FBLN1: variants seen among roughly 807,000 people sequenced by gnomAD.
The protein encoded by FBLN1 is fibulin 1.
FBLN1 carries 34 observed loss-of-function variants against 89.7 expected under a neutral mutation model. The ratio of observed to expected loss-of-function variants is 0.38; its 90% CI spans 0.29 to 0.50. The LOEUF (loss-of-function observed/expected upper bound fraction) is 0.50, where lower values mean the gene tolerates loss of function less well. Ranked by LOEUF, FBLN1 falls within the 20% of genes least tolerant of loss-of-function variation. The pLI, the probability that FBLN1 is intolerant of heterozygous loss-of-function variation, is 0.92. For missense variants in FBLN1, 777 were observed against 988.1 expected (o/e 0.79, Z 2.86); for synonymous variants, 393 against 391.3 (o/e 1.00, Z -0.05).
chr22:45,542,322 C>A, intron 10 of FBLN1, 39 bp downstream of exon 10: 11 of 1,612,484 alleles, frequency 6.8e-6, no homozygotes, highest in Non-Finnish European at 9.3e-6. Context: ...GGAACCCAGC[C>A]ACGTGGCACC....
intron 14 of FBLN1, among the ~76,000 whole-genome samples, chr22:45,560,973 G>A (rs1047774538): frequency 6.6e-6 from 1 of 152,200 alleles, no homozygotes; most frequent in African/African-American, 2.4e-5. Context: ...AAGGCTGATG[G>A]GTCGGGGCGG....
chr22:45,572,629 A>AT lies in FBLN1; in HGVS notation c.1698-1881dup, dbSNP rs1488393415. The stretch of plus-strand genomic sequence containing the variant: ...GGAAGTGAAGTGGTAGAACCAGACT[A>AT]TCGGCATTTTGCAATCCTTGATGAA... On this transcript the variant is annotated intron_variant, in intron 14 of 16. Transcript: ENST00000327858. The surrounding 1 kb of genome is among the most constrained non-coding windows in gnomAD (Gnocchi z 5.8). Among the ~76,000 whole-genome samples the AT allele has an allele frequency of 3.3e-5, 5 of 152,268 alleles. No homozygotes were observed. Among genetic ancestry groups the AT allele is most frequent in the Non-Finnish European group, 7.3e-5 (5 of 68,046 alleles).
Position 45,600,197 on chromosome 22 carries a change from G to A in FBLN1, c.1973-110G>A, listed in dbSNP as rs1001719698. 3.8e-6 allele frequency: 5 copies of A among 1,323,756 alleles called. No individual in the cohort carries two copies. In the African/African-American group the frequency reaches 7.2e-5, roughly 19 times the overall value. 82.0% of individuals were successfully genotyped at this position (1,323,756 alleles called of 1,614,324 possible). ...TCTGGCGTAGGATGGGACTCCATGA[G>A]GTCTATGCCTCCTTCTAGCTCTGAA... On this transcript the variant is annotated intron_variant, in intron 16 of 16. Coordinates refer to ENST00000327858, the MANE Select transcript of FBLN1 (RefSeq NM_006486.3).
At chr22:45,548,807 G>C in intron 13 of FBLN1, 63 bp downstream of exon 13, 1 of 1,601,786 alleles carries the variant, frequency 6.2e-7, no homozygotes, top group Non-Finnish European at 8.5e-7. Flanking sequence ...ATGTCGTGGG[G>C]CTGAGGCTGG....
chr22:45,600,296 T>A lies in FBLN1; in HGVS notation c.1973-11T>A, dbSNP rs753317186. The A allele has an allele frequency of 3.1e-6, 5 of 1,614,038 alleles. No homozygotes were observed. In the Admixed American group the frequency reaches 8.3e-5, roughly 27 times the overall value. ...TTCTAACTTCCAGCACACCTTCTGC[T>A]CTCTCCGCAGGTGTCGTGCGCCAGG... On this transcript the variant is annotated splice_polypyrimidine_tract_variant and intron_variant, in intron 16 of 16. Coordinates refer to ENST00000327858, the MANE Select transcript of FBLN1 (RefSeq NM_006486.3).
intron 1 of FBLN1, among the ~76,000 whole-genome samples, chr22:45,505,828 A>G (rs1339232901): frequency 3.9e-5 from 6 of 152,046 alleles, no homozygotes; most frequent in Non-Finnish European, 1.5e-5. Flanking sequence ...CTGGAGTGCA[A>G]TGGCATGATC....
At chr22:45,589,484 G>A (rs985490350) in intron 16 of FBLN1, among the ~76,000 whole-genome samples, 3 of 152,226 alleles carry the variant, frequency 2.0e-5, no homozygotes, top group African/African-American at 7.2e-5. Flanking sequence ...GCGAGCCTCT[G>A]GGATGATGGC....
rs1261474700 is a variant in FBLN1 at position 45,531,161 on chromosome 22, G to A, written c.485-104G>A. On this transcript the variant is annotated intron_variant, in intron 4 of 16. Coordinates refer to ENST00000327858, the MANE Select transcript of FBLN1 (RefSeq NM_006486.3). This position sits in a 1 kb window ranked among gnomAD's most constrained non-coding sequence, Gnocchi z 4.9. ...GCTGTTTATATAAGATGTTCAAATG[G>A]GCATTACTGCCTGATAGTGACAAGA... 5 of 929,834 alleles carry A rather than the reference G, an allele frequency of 5.4e-6. No homozygotes were observed. In the African/African-American group the frequency reaches 8.1e-5, roughly 15 times the overall value. 57.6% of individuals were successfully genotyped at this position (929,834 alleles called of 1,614,324 possible).
At chr22:45,568,543 T>G (rs1167970534) in intron 14 of FBLN1, among the ~76,000 whole-genome samples, 1 of 138,796 alleles carries the variant, frequency 7.2e-6, no homozygotes, top group East Asian at 2.0e-4. Flanking sequence ...TGTAGGGGAA[T>G]GCTCCTTCTG....
At chr22:45,514,559 C>T (rs575690154) in intron 1 of FBLN1, among the ~76,000 whole-genome samples, 13 of 152,298 alleles carry the variant, frequency 8.5e-5, no homozygotes, top group Admixed American at 7.2e-4. Context: ...TCCAGCCCCT[C>T]GGGATTTTCC....
chr22:45,552,124 C>T (rs2088710671), intron 14 of FBLN1, among the ~76,000 whole-genome samples: 1 of 152,238 alleles, frequency 6.6e-6, no homozygotes. Flanking sequence ...CGTGCAGGCA[C>T]CTGGGTAGAC....
intron 16 of FBLN1, among the ~76,000 whole-genome samples, 159 bp from the exon 17 acceptor site, chr22:45,600,148 G>A (rs2089218763): frequency 6.6e-6 from 1 of 152,240 alleles, no homozygotes; most frequent in South Asian, 2.1e-4. Context: ...CTTGGAAGGA[G>A]ATGTTATTCA....
chr22:45,555,520 C>T (rs113257462), intron 14 of FBLN1, among the ~76,000 whole-genome samples: 1 of 152,086 alleles, frequency 6.6e-6, no homozygotes, highest in Non-Finnish European at 1.5e-5. Flanking sequence ...TCACGTTTTT[C>T]TGCCTGCTTA....
At position 45,531,310 on chromosome 22, in the gene FBLN1, A is replaced by G. The variant is rs1196109379; in HGVS notation, c.530A>G (p.Asn177Ser). 1.9e-6 allele frequency: 3 copies of G among 1,613,876 alleles called. No homozygotes were observed. The highest frequency in any genetic ancestry group is 3.3e-5 in the Admixed American group (2 of 59,998). Residue 177 changes from asparagine to serine, a missense_variant, in exon 5 of 17, where the codon AAT becomes AGT. By Grantham distance (46) the Asn-to-Ser change is conservative. Coordinates refer to ENST00000327858, the MANE Select transcript of FBLN1 (RefSeq NM_006486.3). This position sits in a 1 kb window ranked among gnomAD's most constrained non-coding sequence, Gnocchi z 4.9. ...GAGGAACAAGAGGACCCATATCTGA[A>G]TGACCGCTGCCGAGGTGAGACTCGG... is the stretch of plus-strand genomic sequence containing the variant. ...VEEEQEDPYL[N>S]DRCRGGGPCK...
At position 45,597,011 on chromosome 22, in the gene FBLN1, T is replaced by C. The variant is rs1362607664; in HGVS notation, c.1973-3296T>C. On this transcript the variant is annotated intron_variant, in intron 16 of 16. Coordinates refer to ENST00000327858, the MANE Select transcript of FBLN1 (RefSeq NM_006486.3). The surrounding 1 kb of genome is among the most constrained non-coding windows in gnomAD (Gnocchi z 4.2). ...TATAATAATAACAGAAATAGATCTCTTTTTTTTTGGGACAGGATCTTGCTC... is the reference window on the plus strand; with the variant it reads ...TATAATAATAACAGAAATAGATCTCCTTTTTTTTGGGACAGGATCTTGCTC... Among the ~76,000 whole-genome samples, 2 of 150,100 alleles carry C rather than the reference T, an allele frequency of 1.3e-5. No individual in the cohort carries two copies. Among genetic ancestry groups the C allele is most frequent in the Non-Finnish European group, 3.0e-5 (2 of 67,540 alleles).
At chr22:45,519,560 G>A (rs136719) in intron 2 of FBLN1, among the ~76,000 whole-genome samples, 3,731 of 150,600 alleles carry the variant, frequency 0.025, 58 homozygotes, top group Middle Eastern at 0.13. Flanking sequence ...GGAGGCGGAG[G>A]CTGCAGTGAG....
intron 16 of FBLN1, among the ~76,000 whole-genome samples, chr22:45,596,112 G>A (rs543848285): frequency 2.1e-4 from 32 of 152,202 alleles, no homozygotes; most frequent in South Asian, 1.5e-3. Context: ...CTTGTGATCC[G>A]CCCGCCTCGG....
rs1391496492 is a variant in FBLN1 at position 45,531,945 on chromosome 22, A to G, written c.544+621A>G. 6.6e-6 allele frequency among the ~76,000 whole-genome samples: 1 copy of G among 152,168 alleles called. No homozygotes were observed. The highest frequency in any genetic ancestry group is 1.5e-5 in the Non-Finnish European group (1 of 68,010). ...GAGCCCCAGCCACGGTTCTGTCACC[A>G]TTGGTGATATTCATTTGCCTCACAG... On this transcript the variant is annotated intron_variant, in intron 5 of 16. Coordinates refer to ENST00000327858, the MANE Select transcript of FBLN1 (RefSeq NM_006486.3). This position sits in a 1 kb window ranked among gnomAD's most constrained non-coding sequence, Gnocchi z 4.9.
At chr22:45,594,442 T>A (rs2089165786) in intron 16 of FBLN1, among the ~76,000 whole-genome samples, 1 of 152,196 alleles carries the variant, frequency 6.6e-6, no homozygotes. Context: ...ATTTTTGGGC[T>A]TTGCACTTGT....
Sources: allele counts gnomAD v4.1 joint callset (sites outside exome capture counted in the v4.1 genomes callset), GRCh38; gene constraint gnomAD v4.1.1; non-coding constraint Gnocchi (gnomAD v3.1); transcripts MANE v1.5; gene names NCBI Gene and HGNC (gene_info 2026-07-23, HGNC 2026-07-21).